The following GBE1 variants were observed in gnomAD, a reference collection of about 807,000 sequenced individuals.
GBE1 encodes the protein 1,4-alpha-glucan branching enzyme 1.
GBE1 carries 70 observed loss-of-function variants against 88.8 expected under a neutral mutation model. That is an observed-to-expected ratio of 0.79 (90% CI 0.65 to 0.96). GBE1 has a LOEUF of 0.96. Among genes scored for constraint, GBE1 ranks in the 40% least tolerant of loss-of-function variants. The probability of loss-of-function intolerance (pLI) is 0.00; values close to 1 mark genes in which losing one functional copy is unlikely to be tolerated. For synonymous variants in GBE1, 284 were observed against 300.1 expected, an observed-to-expected ratio of 0.95 and a Z score of 0.56; for missense variants, 872 against 871.0, an observed-to-expected ratio of 1.00 and a Z score of -0.01.
At chr3:81,684,746 T>C (rs1042920234) in intron 2 of GBE1, among the ~76,000 whole-genome samples, 1 of 152,228 alleles carries the variant, frequency 6.6e-6, no homozygotes, top group Non-Finnish European at 1.5e-5. Context: ...AAAATTTCTC[T>C]ATGGAATTTT....
chr3:81,628,379 A>T (rs938627717), intron 7 of GBE1, among the ~76,000 whole-genome samples: 2 of 152,118 alleles, frequency 1.3e-5, no homozygotes, highest in African/African-American at 4.8e-5. Context: ...AGATAAGAAC[A>T]TGAAGAAGAC....
At chr3:81,598,360 C>T (rs766142869) in intron 7 of GBE1, among the ~76,000 whole-genome samples, 2 of 151,538 alleles carry the variant, frequency 1.3e-5, no homozygotes, top group Non-Finnish European at 1.5e-5. Flanking sequence ...GTATTTCAAT[C>T]GAGGCAGTAG....
At position 81,662,569 on chromosome 3, in the gene GBE1, A is replaced by T. The variant is rs79474474; in HGVS notation, c.429+8269T>A. Among the ~76,000 whole-genome samples, 1,439 of 151,650 alleles carry T rather than the reference A, an allele frequency of 9.5e-3. 17 individuals are homozygous for T. Among genetic ancestry groups the T allele is most frequent in the African/African-American group, 0.033 (1,372 of 41,300 alleles). ...TAAATTTACTCAAGCCTCTGATCTT[A>T]CCCTGTTGTTCTAACCCATCAATAT... On this transcript the variant is annotated intron_variant, in intron 3 of 15. Transcript: ENST00000429644.
At chr3:81,609,954 T>C (rs1265680410) in intron 7 of GBE1, among the ~76,000 whole-genome samples, 1 of 151,878 alleles carries the variant, frequency 6.6e-6, no homozygotes, top group Non-Finnish European at 1.5e-5. Context: ...ACAAGAGGGA[T>C]AAATGAGGAA....
intron 3 of GBE1, among the ~76,000 whole-genome samples, chr3:81,655,987 G>A (rs58104973): frequency 0.089 from 13,459 of 152,040 alleles, 1,170 homozygotes; most frequent in African/African-American, 0.22. Context: ...CCTTGTTTTT[G>A]TTTTGTTTTG....
chr3:81,761,392 G>C lies in GBE1; in HGVS notation c.126C>G (p.Ala42=). The change falls in exon 1 of 16, where the codon GCC becomes GCG. Residue 42 remains alanine (A), a synonymous_variant. Coordinates refer to ENST00000429644, the MANE Select transcript of GBE1 (RefSeq NM_000158.4). ...GGCGGTACCTGCGCTGGAAGTCCAC[G>C]GCGTAGGGCTTCAAGTACGGGTCGA... ...LEIDPYLKPY[A]VDFQRRYKQF... is the part of the protein sequence containing the mutation. 1 of 1,609,978 alleles carries C rather than the reference G, an allele frequency of 6.2e-7. No individual in the cohort carries two copies. Among genetic ancestry groups the C allele is most frequent in the South Asian group, 1.1e-5 (1 of 91,024 alleles).
chr3:81,576,987 C>T (rs550033942), intron 12 of GBE1, among the ~76,000 whole-genome samples: 8 of 152,066 alleles, frequency 5.3e-5, no homozygotes, highest in African/African-American at 1.9e-4. Context: ...GCTTTGTCAC[C>T]CTAGCTGGAG....
In GBE1 at chr3:81,726,975, C is replaced by T. The variant is rs561296228; in HGVS notation, c.144-21362G>A. Reference sequence around the variant, plus strand: ...GGCTGACATTTTGATTATGGGTCTACGTCATGGTGACTTATTCAAAGTTAG... The same window carrying T: ...GGCTGACATTTTGATTATGGGTCTATGTCATGGTGACTTATTCAAAGTTAG... On this transcript the variant is annotated intron_variant, in intron 1 of 15. Coordinates refer to ENST00000429644, the MANE Select transcript of GBE1 (RefSeq NM_000158.4). Among the ~76,000 whole-genome samples the T allele has an allele frequency of 7.2e-5, 11 of 152,238 alleles. No individual in the cohort carries two copies. The South Asian group carries it at 1.2e-3, about 17-fold the overall frequency.
chr3:81,697,710 C>A (rs2107156076), intron 2 of GBE1, among the ~76,000 whole-genome samples: 1 of 152,116 alleles, frequency 6.6e-6, no homozygotes, highest in South Asian at 2.1e-4. Flanking sequence ...CATGCCTTCC[C>A]CCAGGGTATG....
intron 5 of GBE1, 46 bp from the exon 6 acceptor site, chr3:81,646,528 A>G: frequency 9.4e-7 from 1 of 1,059,684 alleles, no homozygotes; most frequent in Non-Finnish European, 1.4e-6. Context: ...CACATTTAAA[A>G]AAAAAGTAAT....
At chr3:81,560,282 T>C (rs1354460224) in intron 12 of GBE1, among the ~76,000 whole-genome samples, 1 of 151,970 alleles carries the variant, frequency 6.6e-6, no homozygotes, top group African/African-American at 2.4e-5. Context: ...CATAGCACTT[T>C]AAAATAACAT....
chr3:81,637,515 G>A (rs2107048722), intron 7 of GBE1, among the ~76,000 whole-genome samples: 1 of 152,206 alleles, frequency 6.6e-6, no homozygotes, highest in South Asian at 2.1e-4. Context: ...CATAGTATAT[G>A]TGTATCTCTA....
chr3:81,495,361 C>T (rs1002718081), intron 15 of GBE1, among the ~76,000 whole-genome samples: 8 of 152,148 alleles, frequency 5.3e-5, no homozygotes, highest in African/African-American at 1.9e-4. Flanking sequence ...TGCACTCCAG[C>T]CTGGGCAACA....
intron 3 of GBE1, among the ~76,000 whole-genome samples, chr3:81,664,028 T>C (rs989068506): frequency 1.3e-5 from 2 of 152,140 alleles, no homozygotes; most frequent in African/African-American, 4.8e-5. Context: ...AAAAAAAATA[T>C]TTTCTCCGTG....
intron 12 of GBE1, among the ~76,000 whole-genome samples, chr3:81,565,394 CCTAT>C (rs1302184183): frequency 6.6e-6 from 1 of 152,066 alleles, no homozygotes; most frequent in Non-Finnish European, 1.5e-5. Flanking sequence ...TTATTGTATT[CCTAT>C]CTATCAGAAA....
At chr3:81,748,511 T>G (rs991623357) in intron 1 of GBE1, among the ~76,000 whole-genome samples, 4 of 151,596 alleles carry the variant, frequency 2.6e-5, no homozygotes, top group Admixed American at 2.6e-4. Flanking sequence ...CTCGGGAGAC[T>G]GGGGCAGGAG....
intron 14 of GBE1, among the ~76,000 whole-genome samples, chr3:81,501,686 C>CTTT (rs35149061): frequency 0.037 from 2,645 of 71,854 alleles, 646 homozygotes; most frequent in African/African-American, 0.13. Flanking sequence ...CTTAGGGGCA[C>CTTT]TTTTTTTTTT....
At chr3:81,726,619 G>A (rs993006280) in intron 1 of GBE1, among the ~76,000 whole-genome samples, 3 of 142,798 alleles carry the variant, frequency 2.1e-5, no homozygotes, top group South Asian at 4.4e-4. Context: ...GTCTCTGTCT[G>A]TCTTCAGGCT....
Position 81,632,859 on chromosome 3 carries a change from T to C in GBE1, c.992+9922A>G, listed in dbSNP as rs561589515. On this transcript the variant is annotated intron_variant, in intron 7 of 15. Transcript: ENST00000429644. Reference sequence around the variant, plus strand: ...ACAATGCCCAGAGGGACAATTACACTGTGCGGAGCTGTTTGCTGCTGCACG... The same window carrying C: ...ACAATGCCCAGAGGGACAATTACACCGTGCGGAGCTGTTTGCTGCTGCACG... Among the ~76,000 whole-genome samples the C allele has an allele frequency of 9.6e-4, 146 of 152,206 alleles. 1 individual carries two copies. Among genetic ancestry groups the C allele is most frequent in the Middle Eastern group, 6.3e-3 (2 of 316 alleles).
Sources: allele counts gnomAD v4.1 joint callset (sites outside exome capture counted in the v4.1 genomes callset), GRCh38; gene constraint gnomAD v4.1.1; transcripts MANE v1.5; gene names NCBI Gene and HGNC (gene_info 2026-07-23, HGNC 2026-07-21).